The following BTBD3 variants were observed in gnomAD, a reference collection of about 807,000 sequenced individuals.
BTBD3 encodes the protein BTB domain containing 3.
BTBD3 carries 14 observed loss-of-function variants against 41.6 expected under a neutral mutation model. The ratio of observed to expected loss-of-function variants is 0.34; its 90% CI spans 0.22 to 0.53. The LOEUF is 0.53. Among genes scored for constraint, BTBD3 ranks in the 20% least tolerant of loss-of-function variants. The probability of loss-of-function intolerance (pLI) is 0.95; values close to 1 mark genes in which losing one functional copy is unlikely to be tolerated. For synonymous variants in BTBD3, 249 were observed against 233.7 expected, an observed-to-expected ratio of 1.07 and a Z score of -0.60; for missense variants, 426 against 654.7, an observed-to-expected ratio of 0.65 and a Z score of 3.81.
upstream of BTBD3, among the ~76,000 whole-genome samples, chr20:11,917,301 A>G (rs191293566): frequency 7.9e-5 from 12 of 152,264 alleles, no homozygotes; most frequent in African/African-American, 2.6e-4. Flanking sequence ...AATTAACAGT[A>G]TTTTGTGACC....
chr20:11,921,175 A>C (rs905608717), intron 3 of BTBD3, among the ~76,000 whole-genome samples: 6 of 152,252 alleles, frequency 3.9e-5, no homozygotes, highest in African/African-American at 1.4e-4. Context: ...TCTTCACTGC[A>C]GTCAAGTAGG....
chr20:11,904,689 G>C (rs2056843221), intron 1 of BTBD3, among the ~76,000 whole-genome samples: 1 of 152,050 alleles, frequency 6.6e-6, no homozygotes. Context: ...AAAAATAATT[G>C]TTTTCATTGA....
intron 1 of BTBD3, among the ~76,000 whole-genome samples, chr20:11,904,086 G>A (rs1357526447): frequency 6.6e-6 from 1 of 152,192 alleles, no homozygotes; most frequent in East Asian, 1.9e-4. Context: ...AGTTCATTAA[G>A]AATTTTTTTT....
At position 11,922,948 on chromosome 20, in the gene BTBD3, T is replaced by C. The variant is rs964842026; in HGVS notation, c.851T>C (p.Val284Ala). The change falls in exon 4 of 4, where the codon GTG becomes GCG. Residue 284 changes from valine (V) to alanine (A), a missense_variant. Physicochemically the swap from Val to Ala is moderately conservative, Grantham distance 64. Coordinates refer to ENST00000378226, the MANE Select transcript of BTBD3 (RefSeq NM_014962.4). ...RRETLNAKEI[V>A]VFEAALNWAE... ...GAAACTCTGAATGCCAAAGAAATTG[T>C]GGTTTTTGAGGCAGCTCTCAACTGG... is the stretch of plus-strand genomic sequence containing the variant. 6.2e-7 allele frequency: 1 copy of C among 1,614,126 alleles called. No individual in the cohort carries two copies. Among genetic ancestry groups the C allele is most frequent in the African/African-American group, 1.3e-5 (1 of 74,950 alleles).
At chr20:11,911,140 G>T (rs1002507243) in intron 1 of BTBD3, among the ~76,000 whole-genome samples, 1 of 69,888 alleles carries the variant, frequency 1.4e-5, no homozygotes, top group African/African-American at 4.4e-5. Context: ...GTACTGCTAA[G>T]AAAGGAAAAA....
rs1286655984 is a variant in BTBD3 at position 11,922,621 on chromosome 20, G to A, written c.537-13G>A. On this transcript the variant is annotated splice_polypyrimidine_tract_variant and intron_variant, in intron 3 of 3. Coordinates refer to ENST00000378226, the MANE Select transcript of BTBD3 (RefSeq NM_014962.4). ...TGTGAAAATTCCACTTACATGTTAT[G>A]TGCTTTTTACAGATATATCTATTGT... 11 of 1,590,394 alleles carry A rather than the reference G, an allele frequency of 6.9e-6. No individual in the cohort carries two copies. The highest frequency in any genetic ancestry group is 1.7e-5 in the Admixed American group (1 of 57,496).
At chr20:11,892,067 A>G (rs145907746) in intron 1 of BTBD3, among the ~76,000 whole-genome samples, 15 of 152,322 alleles carry the variant, frequency 9.8e-5, no homozygotes, top group African/African-American at 2.2e-4. Context: ...TAGTAGTAGC[A>G]TTCAGTTTGT....
At chr20:11,898,742 C>T (rs1199813507) in intron 1 of BTBD3, among the ~76,000 whole-genome samples, 1 of 152,146 alleles carries the variant, frequency 6.6e-6, no homozygotes, top group Non-Finnish European at 1.5e-5. Context: ...CTAACGTTGA[C>T]TTATCCCACC....
upstream of BTBD3, among the ~76,000 whole-genome samples, chr20:11,916,632 G>A (rs1033104142): frequency 6.6e-6 from 1 of 152,100 alleles, no homozygotes; most frequent in Non-Finnish European, 1.5e-5. Context: ...TCTGGTAACC[G>A]CCTTTAGCAG....
Position 11,890,863 on chromosome 20 carries a change from G to C in BTBD3, c.-217G>C, listed in dbSNP as rs1380495645. 1.1e-5 allele frequency: 11 copies of C among 985,130 alleles called. No homozygotes were observed. In the Admixed American group the frequency reaches 4.3e-4, roughly 39 times the overall value. The allele number at this position is 985,130 out of a possible 1,614,324, so 61.0% of individuals were successfully genotyped here. A position where few individuals can be genotyped will look rare whatever the true frequency, so the allele number is the denominator to read the frequency against. On this transcript the variant is annotated 5_prime_UTR_variant, in exon 1 of 5. Coordinates refer to the BTBD3 transcript ENST00000254977. Reference sequence around the variant, plus strand: ...TGCCCGCCGAGCCCGCCGGGCGCTGGATCTCCGAGTGCCCCGGCCGGGGCC... The same window carrying C: ...TGCCCGCCGAGCCCGCCGGGCGCTGCATCTCCGAGTGCCCCGGCCGGGGCC...
chr20:11,902,817 T>C (rs535325640), intron 1 of BTBD3, among the ~76,000 whole-genome samples: 1 of 152,232 alleles, frequency 6.6e-6, no homozygotes, highest in Non-Finnish European at 1.5e-5. Flanking sequence ...TTGGTAACTC[T>C]CATAGATGTG....
chr20:11,893,183 T>C (rs184455889), intron 1 of BTBD3, among the ~76,000 whole-genome samples: 6 of 152,334 alleles, frequency 3.9e-5, no homozygotes, highest in Admixed American at 2.6e-4. Flanking sequence ...AACATACTTG[T>C]TTTTAATTGT....
chr20:11,916,532 C>T (rs1019592966), upstream of BTBD3, among the ~76,000 whole-genome samples: 1 of 152,108 alleles, frequency 6.6e-6, no homozygotes, highest in African/African-American at 2.4e-5. Context: ...CTTACAGAGG[C>T]TTTGCAAATG....
In BTBD3 at chr20:11,923,508, G is replaced by A; in HGVS notation, c.1411G>A (p.Val471Met). Reference protein sequence around the residue: ...IEPDTFYTASVILDGNELSYF... With the variant: ...IEPDTFYTASMILDGNELSYF... ...GCCAGACACCTTCTACACAGCCAGTGTGATACTGGATGGCAATGAACTCAG... is the reference window on the plus strand; with the variant it reads ...GCCAGACACCTTCTACACAGCCAGTATGATACTGGATGGCAATGAACTCAG... Residue 471 changes from valine to methionine, a missense_variant, in exon 4 of 4, where the codon GTG becomes ATG. Val to Met is a conservative substitution (Grantham distance 21, BLOSUM62 1). This residue lies in a region of BTBD3 where 321 missense variants were observed against 534.8 expected (regional missense o/e 0.60). Coordinates refer to ENST00000378226, the MANE Select transcript of BTBD3 (RefSeq NM_014962.4). This position sits in a 1 kb window ranked among gnomAD's most constrained non-coding sequence, Gnocchi z 5.3. The A allele has an allele frequency of 6.2e-7, 1 of 1,614,210 alleles. No individual in the cohort carries two copies. The highest frequency in any genetic ancestry group is 8.5e-7 in the Non-Finnish European group (1 of 1,180,036).
chr20:11,891,484 G>T (rs975250416), intron 1 of BTBD3: 1 of 151,924 alleles, frequency 6.6e-6, no homozygotes, highest in African/African-American at 2.4e-5. Context: ...GGGACTCCGG[G>T]GACCGACGCT....
intron 1 of BTBD3, among the ~76,000 whole-genome samples, chr20:11,901,577 A>G (rs181813231): frequency 7.2e-5 from 11 of 152,310 alleles, no homozygotes; most frequent in East Asian, 5.8e-4. Flanking sequence ...ATTTAATACC[A>G]TTCAATAAGT....
intron 1 of BTBD3, among the ~76,000 whole-genome samples, chr20:11,892,080 T>C (rs767962453): frequency 1.3e-5 from 2 of 152,320 alleles, no homozygotes; most frequent in Non-Finnish European, 2.9e-5. Flanking sequence ...CAGTTTGTAA[T>C]TGGTGAGATG....
chr20:11,907,644 A>G (rs1393623943), intron 1 of BTBD3, among the ~76,000 whole-genome samples: 1 of 152,246 alleles, frequency 6.6e-6, no homozygotes, highest in Admixed American at 6.5e-5. Flanking sequence ...TGGAAGCACC[A>G]GGAAACCTTC....
intron 1 of BTBD3, chr20:11,892,493 C>T (rs149623995): frequency 2.6e-5 from 4 of 152,292 alleles, no homozygotes; most frequent in South Asian, 2.1e-4. Flanking sequence ...AGGACTCTTC[C>T]TTTTCGGAAG....
Sources: gnomAD v4.1 joint callset for allele counts (sites outside exome capture counted in the v4.1 genomes callset) on GRCh38, gnomAD v4.1.1 for gene constraint, gnomAD v4.1.1 regional missense constraint, Gnocchi (gnomAD v3.1) non-coding constraint, MANE v1.5 for transcripts, NCBI Gene and HGNC (gene_info 2026-07-23, HGNC 2026-07-21) for gene names.